The following SHISA9 variants were observed in gnomAD, a reference collection of about 807,000 sequenced individuals.
SHISA9 encodes protein shisa-9.
A neutral mutation model predicts 38.0 loss-of-function variants in SHISA9; 13 were observed. The observed-to-expected ratio is 0.34, with a 90% CI of 0.22 to 0.54. The LOEUF (loss-of-function observed/expected upper bound fraction) is 0.54, where lower values mean the gene tolerates loss of function less well. SHISA9 is among the 20% of genes least tolerant of loss of function. The pLI, the probability that SHISA9 is intolerant of heterozygous loss-of-function variation, is 0.91. For missense variants in SHISA9, 538 were observed against 575.8 expected (o/e 0.93, Z 0.67); for synonymous variants, 275 against 242.0 (o/e 1.14, Z -1.27).
rs146879130 is a variant in SHISA9 at position 12,970,497 on chromosome 16, A to ATTTTTT, written c.691+53708_691+53713dup. Among the ~76,000 whole-genome samples the ATTTTTT allele has an allele frequency of 2.8e-4, 5 of 17,586 alleles. 1 individual carries two copies. The highest frequency in any genetic ancestry group is 2.4e-4 in the African/African-American group (1 of 4,098). 11.5% of individuals were successfully genotyped at this position (17,586 alleles called of 152,430 possible). On this transcript the variant is annotated intron_variant, in intron 2 of 4. Transcript: ENST00000558583. Reference sequence around the variant, plus strand: ...TATATATATATATATATATATATATATTTTTTTTTTTTTTTTTTTTTTTTT... The same window carrying ATTTTTT: ...TATATATATATATATATATATATATATTTTTTTTTTTTTTTTTTTTTTTTTTTTTTT...
the SHISA9 span, among the ~76,000 whole-genome samples, chr16:13,320,450 G>A: frequency 0.32 from 48,018 of 151,950 alleles, 7,788 homozygotes; most frequent in East Asian, 0.5. Flanking sequence ...CTTAACTGTT[G>A]TAATAATGTT....
the SHISA9 span, among the ~76,000 whole-genome samples, chr16:13,279,119 T>A: frequency 6.6e-6 from 1 of 151,852 alleles, no homozygotes; most frequent in Non-Finnish European, 1.5e-5. Context: ...ACAAATTTTT[T>A]AAATTTCCAT....
the SHISA9 span, among the ~76,000 whole-genome samples, chr16:13,533,559 C>G: frequency 6.6e-6 from 1 of 152,006 alleles, no homozygotes; most frequent in East Asian, 1.9e-4. Context: ...CTTCATCACC[C>G]CACCCCCACC....
chr16:13,296,422 G>A, the SHISA9 span, among the ~76,000 whole-genome samples: 1 of 151,164 alleles, frequency 6.6e-6, no homozygotes, highest in African/African-American at 2.4e-5. Context: ...TGAACAGCAC[G>A]CAGGGGGGAA....
At chr16:13,427,983 T>C in the SHISA9 span, among the ~76,000 whole-genome samples, 1 of 152,152 alleles carries the variant, frequency 6.6e-6, no homozygotes, top group African/African-American at 2.4e-5. Context: ...TATATGAGGT[T>C]TAGAGTTTGC....
chr16:13,386,182 A>G, the SHISA9 span, among the ~76,000 whole-genome samples: 5 of 152,216 alleles, frequency 3.3e-5, no homozygotes, highest in African/African-American at 4.8e-5. Flanking sequence ...ATTAATGTCA[A>G]TATCCTGATT....
At chr16:13,454,567 A>C in the SHISA9 span, among the ~76,000 whole-genome samples, 1 of 152,164 alleles carries the variant, frequency 6.6e-6, no homozygotes, top group Non-Finnish European at 1.5e-5. Flanking sequence ...AGGGAGGAAG[A>C]CTCAGGAAGA....
the SHISA9 span, among the ~76,000 whole-genome samples, chr16:13,303,291 G>A: frequency 6.6e-6 from 1 of 152,180 alleles, no homozygotes; most frequent in Admixed American, 6.5e-5. Flanking sequence ...CATAACAGCT[G>A]TATTCACAAT....
the SHISA9 span, chr16:13,458,671 T>A: frequency 4.0e-5 from 12 of 298,358 alleles, no homozygotes; most frequent in East Asian, 1.5e-3. Context: ...AGAGGCAGAA[T>A]AACCTTGATT....
chr16:13,537,441 A>T, the SHISA9 span, among the ~76,000 whole-genome samples: 1 of 151,124 alleles, frequency 6.6e-6, no homozygotes, highest in East Asian at 1.9e-4. Context: ...AAAAAAAAAG[A>T]AAGAAAGAAA....
chr16:13,464,091 C>G, the SHISA9 span, among the ~76,000 whole-genome samples: 4 of 152,224 alleles, frequency 2.6e-5, no homozygotes, highest in Non-Finnish European at 5.9e-5. Context: ...ATCTCTTAAG[C>G]TTTCCATGCC....
At chr16:13,097,828 T>C (rs142310275) in intron 2 of SHISA9, among the ~76,000 whole-genome samples, 1 of 152,228 alleles carries the variant, frequency 6.6e-6, no homozygotes, top group East Asian at 1.9e-4. Context: ...TACAGTAAAA[T>C]GTCATGATAG....
intron 2 of SHISA9, among the ~76,000 whole-genome samples, chr16:13,087,880 T>G (rs1292136018): frequency 6.6e-6 from 1 of 152,218 alleles, no homozygotes; most frequent in Non-Finnish European, 1.5e-5. Flanking sequence ...GGTGTTTTAG[T>G]TATGAAGCCC....
At chr16:13,551,089 A>C in the SHISA9 span, among the ~76,000 whole-genome samples, 2 of 149,638 alleles carry the variant, frequency 1.3e-5, no homozygotes, top group African/African-American at 4.9e-5. Context: ...ACGCCACTGC[A>C]CTCCAGCCTG....
At chr16:13,002,833 A>G (rs1325870242) in intron 2 of SHISA9, among the ~76,000 whole-genome samples, 1 of 151,978 alleles carries the variant, frequency 6.6e-6, no homozygotes, top group Non-Finnish European at 1.5e-5. Context: ...GTGCCCAGCC[A>G]GTTCCTGTCT....
chr16:13,122,588 A>G (rs532787482), intron 2 of SHISA9, among the ~76,000 whole-genome samples: 6 of 152,356 alleles, frequency 3.9e-5, no homozygotes, highest in East Asian at 1.9e-4. Context: ...CCAGTTTTCT[A>G]TAAGGAGCAA....
downstream of SHISA9, among the ~76,000 whole-genome samples, chr16:13,243,925 A>C (rs969459876): frequency 6.6e-6 from 1 of 151,952 alleles, no homozygotes; most frequent in African/African-American, 2.4e-5. Flanking sequence ...GGCACGCACC[A>C]CCACACCTGG....
chr16:13,027,636 C>T (rs920994313), intron 2 of SHISA9, among the ~76,000 whole-genome samples: 1 of 152,056 alleles, frequency 6.6e-6, no homozygotes, highest in Admixed American at 6.6e-5. Flanking sequence ...TTGATTCACA[C>T]AAAACATGGC....
intron 2 of SHISA9, among the ~76,000 whole-genome samples, chr16:13,000,657 CACTG>C (rs2072512260): frequency 6.6e-6 from 1 of 152,128 alleles, no homozygotes; most frequent in Non-Finnish European, 1.5e-5. Context: ...CCTGATGGGG[CACTG>C]ACAGTGTCTG....
Sources: gnomAD v4.1 joint callset for allele counts (sites outside exome capture counted in the v4.1 genomes callset) on GRCh38, gnomAD v4.1.1 for gene constraint, MANE v1.5 for transcripts, NCBI Gene and HGNC (gene_info 2026-07-23, HGNC 2026-07-21) for gene names.